GNAO1: variants seen among roughly 807,000 people sequenced by gnomAD.
GNAO1 encodes G protein subunit alpha o1.
For synonymous variants in GNAO1, 164 were observed against 180.7 expected, an observed-to-expected ratio of 0.91 and a Z score of 0.74; for missense variants, 166 against 478.7, an observed-to-expected ratio of 0.35 and a Z score of 6.10.
chr16:56,207,336 G>C (rs1396587196), intron 2 of GNAO1, among the ~76,000 whole-genome samples: 1 of 152,254 alleles, frequency 6.6e-6, no homozygotes, highest in Non-Finnish European at 1.5e-5. Flanking sequence ...CAGATACACT[G>C]TGAGGAGTAA....
At position 56,351,300 on chromosome 16, in the gene GNAO1, A is replaced by C; in HGVS notation, c.724-84A>C. On this transcript the variant is annotated intron_variant, in intron 6 of 8. Coordinates refer to ENST00000262493, the MANE Select transcript of GNAO1 (RefSeq NM_020988.3). This position sits in a 1 kb window ranked among gnomAD's most constrained non-coding sequence, Gnocchi z 6.1. The stretch of plus-strand genomic sequence containing the variant: ...CCGAGTAGCCCAGTCCCTCTCTGTC[A>C]AGCCTAATTCTCTCCTTCTCTTTCC... The C allele has an allele frequency of 1.1e-6, 1 of 951,540 alleles. No homozygotes were observed. Among genetic ancestry groups the C allele is most frequent in the Non-Finnish European group, 1.6e-6 (1 of 614,744 alleles). The allele number at this position is 951,540 out of a possible 1,614,324, so 58.9% of individuals were successfully genotyped here.
At chr16:56,346,243 G>T (rs1485805281) in intron 6 of GNAO1, 2 of 985,336 alleles carry the variant, frequency 2.0e-6, no homozygotes, top group Admixed American at 6.1e-5. Context: ...GCTCCATCTT[G>T]TGGGGTGGTG....
chr16:56,310,052 C>A (rs2037438947), intron 3 of GNAO1, among the ~76,000 whole-genome samples: 1 of 64,664 alleles, frequency 1.5e-5, no homozygotes, highest in Non-Finnish European at 5.4e-5. Flanking sequence ...TGGCTTATAC[C>A]TATAATCCAA....
intron 3 of GNAO1, among the ~76,000 whole-genome samples, chr16:56,280,205 A>G (rs2037101483): frequency 6.6e-6 from 1 of 152,244 alleles, no homozygotes; most frequent in Non-Finnish European, 1.5e-5. Context: ...CAGCCCTTGC[A>G]CATGGTGGGC....
chr16:56,262,915 C>G (rs1392139171), intron 2 of GNAO1, among the ~76,000 whole-genome samples: 1 of 152,242 alleles, frequency 6.6e-6, no homozygotes, highest in Non-Finnish European at 1.5e-5. Context: ...TCTGTCATGT[C>G]TCTGCAACAT....
Position 56,340,627 on chromosome 16 carries a change from C to T in GNAO1, c.723+3767C>T, listed in dbSNP as rs74356391. ...AACCCTGCCCGGCCCTGCTCCGCCC[C>T]GCCCTGCCTGCGTGTGGAATGAAAC... On this transcript the variant is annotated intron_variant, in intron 6 of 8. Coordinates refer to ENST00000262493, the MANE Select transcript of GNAO1 (RefSeq NM_020988.3). 2,933 of 604,152 alleles carry T rather than the reference C, an allele frequency of 4.9e-3. 59 individuals carry two copies. Among genetic ancestry groups the T allele is most frequent in the African/African-American group, 0.046 (2,529 of 54,560 alleles). The allele number at this position is 604,152 out of a possible 1,614,324, so 37.4% of individuals were successfully genotyped here.
intron 6 of GNAO1, chr16:56,343,908 C>T (rs763880143): frequency 4.1e-5 from 66 of 1,614,010 alleles, no homozygotes; most frequent in African/African-American, 5.3e-5. Flanking sequence ...CTGTGACGGA[C>T]GTCATCATCG....
At chr16:56,205,184 A>G (rs1267585713) in intron 2 of GNAO1, among the ~76,000 whole-genome samples, 24 of 152,214 alleles carry the variant, frequency 1.6e-4, no homozygotes, top group Admixed American at 1.4e-3. Context: ...GTCTTGTAAT[A>G]CTGTCAGAGT....
chr16:56,274,943 A>T (rs916532817), intron 2 of GNAO1, among the ~76,000 whole-genome samples: 18 of 152,202 alleles, frequency 1.2e-4, no homozygotes, highest in Non-Finnish European at 2.2e-4. Flanking sequence ...TGTTGTTTTT[A>T]AAAAAAGAAG....
At chr16:56,210,499 C>T (rs904337090) in intron 2 of GNAO1, among the ~76,000 whole-genome samples, 1 of 152,194 alleles carries the variant, frequency 6.6e-6, no homozygotes, top group Non-Finnish European at 1.5e-5. Context: ...AAATTGTCTT[C>T]CAAAATATAT....
chr16:56,318,240 G>C (rs1596861610), intron 3 of GNAO1, among the ~76,000 whole-genome samples: 1 of 152,310 alleles, frequency 6.6e-6, no homozygotes, highest in Non-Finnish European at 1.5e-5. Context: ...AGAACGTGAC[G>C]GTGTTTCCTC....
In GNAO1 at chr16:56,345,105, T is replaced by C. The variant is rs917500085; in HGVS notation, c.724-6279T>C. The C allele has an allele frequency of 7.1e-6, 7 of 985,416 alleles. No individual in the cohort carries two copies. The African/African-American group carries it at 1.0e-4, about 15-fold the overall frequency. The allele number at this position is 985,416 out of a possible 1,614,324, so 61.0% of individuals were successfully genotyped here. A position where few individuals can be genotyped will look rare whatever the true frequency, so the allele number is the denominator to read the frequency against. ...AGTCCTAGGACTCCTTAGAGGAGGC[T>C]TCACTGCGGAGATCCCTGAGCAGAA... is the stretch of plus-strand genomic sequence containing the variant. On this transcript the variant is annotated intron_variant, in intron 6 of 8. Transcript: ENST00000262493.
chr16:56,261,752 T>C (rs551263218), intron 2 of GNAO1, among the ~76,000 whole-genome samples: 6 of 152,242 alleles, frequency 3.9e-5, no homozygotes, highest in African/African-American at 1.4e-4. Flanking sequence ...GCTGCTGTCC[T>C]ATGGTGGTGT....
chr16:56,271,667 C>A (rs1241290245), intron 2 of GNAO1, among the ~76,000 whole-genome samples: 1 of 152,140 alleles, frequency 6.6e-6, no homozygotes, highest in African/African-American at 2.4e-5. Context: ...GTTAGCCAGG[C>A]TGGTCTCAAA....
At chr16:56,290,082 C>T (rs1264307691) in intron 3 of GNAO1, among the ~76,000 whole-genome samples, 2 of 152,204 alleles carry the variant, frequency 1.3e-5, no homozygotes, top group Admixed American at 6.5e-5. Context: ...CTTTAAATGC[C>T]ACGACCTCCT....
At chr16:56,230,755 T>A (rs2036582438) in intron 2 of GNAO1, among the ~76,000 whole-genome samples, 1 of 152,204 alleles carries the variant, frequency 6.6e-6, no homozygotes, top group African/African-American at 2.4e-5. Flanking sequence ...GTTTCTTCAT[T>A]CTTTGTGTCT....
chr16:56,224,074 T>C (rs1473490911), intron 2 of GNAO1, among the ~76,000 whole-genome samples: 1 of 152,178 alleles, frequency 6.6e-6, no homozygotes, highest in African/African-American at 2.4e-5. Context: ...CCTCAGAAGA[T>C]GGGCAGTGCA....
At chr16:56,347,958 C>G (rs2037888631) in intron 6 of GNAO1, 1 of 968,966 alleles carries the variant, frequency 1.0e-6, no homozygotes, top group Non-Finnish European at 1.2e-6. Context: ...CCACGCACCC[C>G]CCTCCCCCAT....
intron 2 of GNAO1, chr16:56,271,191 G>A (rs565899457): frequency 3.3e-5 from 5 of 152,362 alleles, no homozygotes; most frequent in Admixed American, 3.3e-4. Context: ...AGGGCAGAAG[G>A]AGAAGCCCTG....
Sources: gnomAD v4.1 joint callset for allele counts (sites outside exome capture counted in the v4.1 genomes callset) on GRCh38, gnomAD v4.1.1 for gene constraint, Gnocchi (gnomAD v3.1) non-coding constraint, MANE v1.5 for transcripts, NCBI Gene and HGNC (gene_info 2026-07-23, HGNC 2026-07-21) for gene names.